Variants in ANKIB1 observed in about 807,000 individuals in gnomAD.
ANKIB1 encodes ankyrin repeat and IBR domain-containing protein 1.
Under a neutral mutation model 122.1 loss-of-function variants are expected in ANKIB1, and 43 were observed. That is an observed-to-expected ratio of 0.35 (90% CI 0.28 to 0.45). The LOEUF (loss-of-function observed/expected upper bound fraction) is 0.45. Among genes scored for constraint, ANKIB1 ranks in the 20% least tolerant of loss-of-function variants. The pLI, the probability that ANKIB1 is intolerant of heterozygous loss-of-function variation, is 1.00. For missense variants in ANKIB1, 992 were observed against 1,329.5 expected, an observed-to-expected ratio of 0.75 and a Z score of 3.95; for synonymous variants, 390 against 442.0, an observed-to-expected ratio of 0.88 and a Z score of 1.48.
intron 16 of ANKIB1, 89 bp downstream of exon 16, chr7:92,391,433 C>T: frequency 8.3e-7 from 1 of 1,204,174 alleles, no homozygotes; most frequent in Non-Finnish European, 1.1e-6. Context: ...GTTCATATTC[C>T]TGGAAATTAT....
chr7:92,322,203 T>C (rs1802927224), intron 4 of ANKIB1, among the ~76,000 whole-genome samples: 1 of 152,224 alleles, frequency 6.6e-6, no homozygotes, highest in African/African-American at 2.4e-5. Context: ...ATTGATGTAA[T>C]TAAACTGCAA....
intron 1 of ANKIB1, among the ~76,000 whole-genome samples, chr7:92,291,209 G>T (rs1802238118): frequency 6.6e-6 from 1 of 151,908 alleles, no homozygotes; most frequent in Non-Finnish European, 1.5e-5. Flanking sequence ...CATGAGAATC[G>T]GTTGAACTTG....
intron 11 of ANKIB1, among the ~76,000 whole-genome samples, chr7:92,378,773 AT>A (rs1203804512): frequency 6.6e-6 from 1 of 152,226 alleles, no homozygotes; most frequent in Non-Finnish European, 1.5e-5. Flanking sequence ...AGATGACGTG[AT>A]TGTATACCTA....
chr7:92,344,983 C>G lies in ANKIB1; in HGVS notation c.1002C>G (p.Asp334Glu). 6.2e-7 allele frequency: 1 copy of G among 1,607,188 alleles called. No homozygotes were observed. Among genetic ancestry groups the G allele is most frequent in the African/African-American group, 1.3e-5 (1 of 74,834 alleles). ...TTGTTCTTCTTCATCTCCAGTGTGA[C>G]ATTTGTATGTGCAGTATCTCTGTAT... ...SPGDLDTSLC[D>E]ICMCSISVFE... The change falls in exon 7 of 20, where the codon GAC becomes GAG. Residue 334 changes from aspartate (D) to glutamate (E), a missense_variant. Coordinates refer to ENST00000265742, the MANE Select transcript of ANKIB1 (RefSeq NM_019004.2).
At chr7:92,354,855 C>A (rs1175769016) in intron 9 of ANKIB1, among the ~76,000 whole-genome samples, 1 of 152,058 alleles carries the variant, frequency 6.6e-6, no homozygotes, top group African/African-American at 2.4e-5. Flanking sequence ...GAGATCTTCA[C>A]AAATTAAACG....
intron 11 of ANKIB1, among the ~76,000 whole-genome samples, chr7:92,378,497 AT>A (rs1349337642): frequency 1.3e-5 from 2 of 151,764 alleles, no homozygotes; most frequent in African/African-American, 2.4e-5. Flanking sequence ...AAAAAAAAAA[AT>A]CAACAATCAT....
In ANKIB1 at chr7:92,336,219, A is replaced by G. The variant is rs534673162; in HGVS notation, c.788-6805A>G. Among the ~76,000 whole-genome samples the G allele has an allele frequency of 2.0e-4, 30 of 152,100 alleles. No individual in the cohort carries two copies. The East Asian group carries it at 2.1e-3, about 11-fold the overall frequency. ...ATCATTTCTGTCTCCAAGTTCACCAAATTTTCCCTCTGATCTCTTTTTTAT... is the reference window on the plus strand; with the variant it reads ...ATCATTTCTGTCTCCAAGTTCACCAGATTTTCCCTCTGATCTCTTTTTTAT... On this transcript the variant is annotated intron_variant, in intron 5 of 19. Coordinates refer to ENST00000265742, the MANE Select transcript of ANKIB1 (RefSeq NM_019004.2).
In ANKIB1 at chr7:92,399,533, T is replaced by G. The variant is rs1223723880; in HGVS notation, c.*584T>G. On this transcript the variant is annotated 3_prime_UTR_variant, in exon 20 of 20. Transcript: ENST00000265742. ...CACATGAATCAAAGGTTTCCTTTCA[T>G]GTCTATTTACAGTCCAATTGTGCCA... The G allele has an allele frequency of 2.0e-5, 3 of 152,182 alleles. No individual in the cohort carries two copies. The highest frequency in any genetic ancestry group is 1.5e-5 in the Non-Finnish European group (1 of 68,040). 9.4% of individuals were successfully genotyped at this position (152,182 alleles called of 1,614,324 possible). A position where few individuals can be genotyped will look rare whatever the true frequency, so the allele number is the denominator to read the frequency against.
At position 92,396,381 on chromosome 7, in the gene ANKIB1, A is replaced by G; in HGVS notation, c.2300A>G (p.Gln767Arg). 1.9e-6 allele frequency: 3 copies of G among 1,581,622 alleles called. No homozygotes were observed. The highest frequency in any genetic ancestry group is 2.6e-6 in the Non-Finnish European group (3 of 1,159,066). Reference protein sequence around the residue: ...FASPEEYAEFQYRRRHRQRRR... With the variant: ...FASPEEYAEFRYRRRHRQRRR... ...TTTATGCAGGAATATGCTGAATTTCAGTATCGGAGGAGGCACAGACAACGT... is the reference window on the plus strand; with the variant it reads ...TTTATGCAGGAATATGCTGAATTTCGGTATCGGAGGAGGCACAGACAACGT... The change falls in exon 18 of 20, where the codon CAG (glutamine) becomes CGG (arginine). Residue 767 changes from glutamine to arginine, a missense_variant. Around this residue, in one of 4 missense-constraint regions of ANKIB1, gnomAD observed 384 missense variants for 412.0 expected, o/e 0.93. Coordinates refer to ENST00000265742, the MANE Select transcript of ANKIB1 (RefSeq NM_019004.2).
intron 1 of ANKIB1, among the ~76,000 whole-genome samples, chr7:92,284,312 T>C (rs1033102288): frequency 1.3e-5 from 2 of 152,172 alleles, no homozygotes; most frequent in Admixed American, 6.5e-5. Flanking sequence ...GTATTACCTA[T>C]GGGGAATGTA....
intron 1 of ANKIB1, among the ~76,000 whole-genome samples, chr7:92,290,707 T>C (rs1200812795): frequency 2.0e-5 from 3 of 152,218 alleles, no homozygotes; most frequent in Non-Finnish European, 2.9e-5. Flanking sequence ...AGTTTGTTAA[T>C]TTAAGTACCG....
chr7:92,292,782 A>G (rs1802277559), intron 1 of ANKIB1, among the ~76,000 whole-genome samples: 1 of 152,228 alleles, frequency 6.6e-6, no homozygotes, highest in Non-Finnish European at 1.5e-5. Context: ...TATGTTGTGT[A>G]TATGCATACA....
intron 2 of ANKIB1, among the ~76,000 whole-genome samples, chr7:92,295,838 A>G (rs980972453): frequency 6.6e-6 from 1 of 152,218 alleles, no homozygotes; most frequent in African/African-American, 2.4e-5. Context: ...TCACATGGGA[A>G]TTACATTTGA....
intron 10 of ANKIB1, among the ~76,000 whole-genome samples, chr7:92,363,505 C>T (rs575011214): frequency 2.0e-5 from 3 of 152,282 alleles, no homozygotes; most frequent in African/African-American, 4.8e-5. Flanking sequence ...GGGAAGCAGT[C>T]GGACATTGCG....
intron 7 of ANKIB1, among the ~76,000 whole-genome samples, chr7:92,347,696 A>G (rs1803569366): frequency 6.6e-6 from 1 of 152,162 alleles, no homozygotes; most frequent in Non-Finnish European, 1.5e-5. Flanking sequence ...ATTGAGGATA[A>G]GAGCTCAAGT....
rs143262504 is a variant in ANKIB1 at position 92,346,075 on chromosome 7, G to T, written c.1085+1009G>T. ...GAATCCCTGCTACTCTTCTCTTTCTGCCTTCCTTTTATCACCCCCAATTTG... is the reference window on the plus strand; with the variant it reads ...GAATCCCTGCTACTCTTCTCTTTCTTCCTTCCTTTTATCACCCCCAATTTG... On this transcript the variant is annotated intron_variant, in intron 7 of 19. Transcript: ENST00000265742. 2.8e-3 allele frequency among the ~76,000 whole-genome samples: 418 copies of T among 151,728 alleles called. 1 individual carries two copies. The highest frequency in any genetic ancestry group is 9.7e-3 in the African/African-American group (403 of 41,386).
At position 92,377,320 on chromosome 7, in the gene ANKIB1, A is replaced by C. The variant is rs541746721; in HGVS notation, c.1617+5713A>C. On this transcript the variant is annotated intron_variant, in intron 11 of 19. Coordinates refer to ENST00000265742, the MANE Select transcript of ANKIB1 (RefSeq NM_019004.2). ...CTAGTTAGTGAGGTGGTCAGAACAC[A>C]TACAACATATATATATTAAGTTTGC... Among the ~76,000 whole-genome samples the C allele has an allele frequency of 2.0e-5, 3 of 152,324 alleles. No homozygotes were observed. The South Asian group carries it at 6.2e-4, about 32-fold the overall frequency.
intron 1 of ANKIB1, among the ~76,000 whole-genome samples, chr7:92,247,036 G>A (rs903648098): frequency 1.2e-4 from 19 of 152,146 alleles, no homozygotes; most frequent in African/African-American, 4.3e-4. Flanking sequence ...ATTCTTCTCC[G>A]TATGTATGAG....
intron 11 of ANKIB1, among the ~76,000 whole-genome samples, chr7:92,379,507 A>C (rs146327327): frequency 6.6e-6 from 1 of 152,316 alleles, no homozygotes; most frequent in East Asian, 1.9e-4. Context: ...ATGAAACCTC[A>C]GTAATTCAAA....
Sources: gnomAD v4.1 joint callset for allele counts (sites outside exome capture counted in the v4.1 genomes callset) on GRCh38, gnomAD v4.1.1 for gene constraint, gnomAD v4.1.1 regional missense constraint, MANE v1.5 for transcripts, NCBI Gene and HGNC (gene_info 2026-07-23, HGNC 2026-07-21) for gene names.